STK32B: variants seen among roughly 807,000 people sequenced by gnomAD.
STK32B encodes the protein serine/threonine kinase 32B.
In STK32B, 43 loss-of-function variants were observed where a neutral mutation model predicts 52.6. The ratio of observed to expected loss-of-function variants is 0.82; its 90% CI spans 0.64 to 1.05. STK32B has a LOEUF of 1.05. STK32B is among the 50% of genes least tolerant of loss of function. STK32B has a pLI of 0.00. For synonymous variants in STK32B, 238 were observed against 204.3 expected (o/e 1.17, Z -1.41); for missense variants, 621 against 534.6 (o/e 1.16, Z -1.59).
chr4:5,312,935 T>C (rs1008206091), intron 3 of STK32B, among the ~76,000 whole-genome samples: 13 of 151,954 alleles, frequency 8.6e-5, no homozygotes, highest in Admixed American at 5.2e-4. Context: ...TATTTCTCCA[T>C]ATCCTCTCCA....
At chr4:5,070,458 G>A (rs1443614503) in intron 1 of STK32B, among the ~76,000 whole-genome samples, 2 of 152,190 alleles carry the variant, frequency 1.3e-5, no homozygotes, top group African/African-American at 4.8e-5. Flanking sequence ...TGTCATTGTA[G>A]GGGCTTGAGG....
intron 3 of STK32B, among the ~76,000 whole-genome samples, chr4:5,256,145 C>T (rs1339450210): frequency 6.6e-6 from 1 of 152,004 alleles, no homozygotes; most frequent in Non-Finnish European, 1.5e-5. Context: ...GTTAGAGATG[C>T]AGATACTGAG....
chr4:5,457,222 T>C (rs1560430755), intron 8 of STK32B, among the ~76,000 whole-genome samples: 2 of 148,718 alleles, frequency 1.3e-5, no homozygotes, highest in African/African-American at 2.5e-5. Flanking sequence ...CTTTTTTTTT[T>C]TTTTTTTTTA....
intron 1 of STK32B, among the ~76,000 whole-genome samples, chr4:5,134,079 G>T (rs539721121): frequency 6.6e-6 from 1 of 152,260 alleles, no homozygotes; most frequent in East Asian, 1.9e-4. Flanking sequence ...CCATACCTCA[G>T]ATGCTTACAG....
At chr4:5,492,132 T>G (rs888756583) in intron 11 of STK32B, among the ~76,000 whole-genome samples, 63 of 152,294 alleles carry the variant, frequency 4.1e-4, no homozygotes, top group Non-Finnish European at 8.2e-4. Context: ...ATTGGTAGCT[T>G]GATGGGGATG....
At chr4:5,147,848 C>A (rs1717032793) in intron 2 of STK32B, among the ~76,000 whole-genome samples, 1 of 151,906 alleles carries the variant, frequency 6.6e-6, no homozygotes, top group Non-Finnish European at 1.5e-5. Context: ...ACATCACATT[C>A]ATAAGGAATA....
At chr4:5,370,202 A>T (rs1005555776) in intron 4 of STK32B, among the ~76,000 whole-genome samples, 1 of 152,146 alleles carries the variant, frequency 6.6e-6, no homozygotes, top group Non-Finnish European at 1.5e-5. Context: ...GCAGAATTAT[A>T]TGGAGCAATT....
chr4:5,177,977 AGT>A (rs917714997), intron 3 of STK32B, among the ~76,000 whole-genome samples: 6 of 152,184 alleles, frequency 3.9e-5, no homozygotes, highest in Non-Finnish European at 8.8e-5. Context: ...CCAATTTGTC[AGT>A]GTATCTGCCA....
At chr4:5,241,490 G>A (rs113318021) in intron 3 of STK32B, among the ~76,000 whole-genome samples, 5 of 152,146 alleles carry the variant, frequency 3.3e-5, no homozygotes, top group South Asian at 2.1e-4. Context: ...AGATCATGCA[G>A]GTGGAATCCA....
At chr4:5,249,441 A>ACCTACCTACCTTCCTT (rs1182902469) in intron 3 of STK32B, among the ~76,000 whole-genome samples, 21 of 137,334 alleles carry the variant, frequency 1.5e-4, no homozygotes, top group Non-Finnish European at 2.5e-4. Context: ...CTTCCTACCT[A>ACCTACCTACCTTCCTT]CCTTCCTTCC....
intron 4 of STK32B, among the ~76,000 whole-genome samples, chr4:5,338,551 A>G (rs748313570): frequency 1.3e-5 from 2 of 151,908 alleles, no homozygotes; most frequent in African/African-American, 4.8e-5. Context: ...TAGATGATCC[A>G]TGTGTCCAAA....
intron 3 of STK32B, among the ~76,000 whole-genome samples, chr4:5,213,957 A>G (rs1723045296): frequency 1.3e-5 from 2 of 152,172 alleles, no homozygotes; most frequent in South Asian, 4.1e-4. Context: ...ATATTTTCCT[A>G]AATTTTCTTT....
chr4:5,220,239 A>G (rs946325759), intron 3 of STK32B, among the ~76,000 whole-genome samples: 1 of 152,162 alleles, frequency 6.6e-6, no homozygotes, highest in African/African-American at 2.4e-5. Context: ...TTACCCATTT[A>G]TCCATCCAGC....
intron 2 of STK32B, among the ~76,000 whole-genome samples, chr4:5,162,223 G>A (rs558609382): frequency 6.6e-6 from 1 of 152,162 alleles, no homozygotes; most frequent in Non-Finnish European, 1.5e-5. Flanking sequence ...TTAGAGCCCT[G>A]ACCATAAAGG....
At chr4:5,483,168 G>C (rs1417180179) in intron 11 of STK32B, among the ~76,000 whole-genome samples, 1 of 151,856 alleles carries the variant, frequency 6.6e-6, no homozygotes, top group Admixed American at 6.6e-5. Context: ...AATGGTACCA[G>C]TTCCTCCTTG....
At chr4:5,346,691 A>G (rs954542457) in intron 4 of STK32B, among the ~76,000 whole-genome samples, 6 of 152,180 alleles carry the variant, frequency 3.9e-5, no homozygotes, top group Non-Finnish European at 7.3e-5. Context: ...TTGCTACTCT[A>G]TTAACAAGGA....
chr4:5,483,726 G>C (rs1260427013), intron 11 of STK32B, among the ~76,000 whole-genome samples: 1 of 152,022 alleles, frequency 6.6e-6, no homozygotes, highest in Non-Finnish European at 1.5e-5. Context: ...TGGACATTTA[G>C]TGCTATGAAC....
Position 5,362,301 on chromosome 4 carries a change from T to A in STK32B, c.434+30908T>A, listed in dbSNP as rs1286192551. 2.0e-5 allele frequency among the ~76,000 whole-genome samples: 3 copies of A among 152,340 alleles called. No individual in the cohort carries two copies. In the East Asian group the frequency reaches 5.8e-4, roughly 29 times the overall value. ...TGAATAAATTTCAGCCTTTATGCAC[T>A]CATGATCTATTTGTAAATTGTCAAG... is the stretch of plus-strand genomic sequence containing the variant. On this transcript the variant is annotated intron_variant, in intron 4 of 11. Coordinates refer to ENST00000282908, the MANE Select transcript of STK32B (RefSeq NM_018401.3).
At chr4:5,375,066 T>A (rs531848190) in intron 4 of STK32B, among the ~76,000 whole-genome samples, 1 of 152,088 alleles carries the variant, frequency 6.6e-6, no homozygotes, top group African/African-American at 2.4e-5. Context: ...CCGAGTGAGG[T>A]CAATGTGAGC....
Sources: gnomAD v4.1 joint callset for allele counts (sites outside exome capture counted in the v4.1 genomes callset) on GRCh38, gnomAD v4.1.1 for gene constraint, MANE v1.5 for transcripts, NCBI Gene and HGNC (gene_info 2026-07-23, HGNC 2026-07-21) for gene names.